The following SFMBT2 variants were observed in gnomAD, a reference collection of about 807,000 sequenced individuals.
The protein encoded by SFMBT2 is scm-like with four MBT domains protein 2.
A neutral mutation model predicts 110.1 loss-of-function variants in SFMBT2; 38 were observed. The ratio of observed to expected loss-of-function variants is 0.35; its 90% CI spans 0.27 to 0.45. SFMBT2 has a LOEUF of 0.45. SFMBT2 is among the 20% of genes least tolerant of loss of function. SFMBT2 has a pLI of 1.00. For synonymous variants in SFMBT2, 425 were observed against 425.4 expected (o/e 1.00, Z 0.01); for missense variants, 1,011 against 1,094.9 (o/e 0.92, Z 1.08).
intron 2 of SFMBT2, among the ~76,000 whole-genome samples, chr10:7,371,920 A>ATTTTTTTTTTTTTTTTTTTTTTTT (rs762872004): frequency 1.3e-5 from 1 of 77,734 alleles, no homozygotes; most frequent in Non-Finnish European, 2.3e-5. Context: ...TCCACCTGTA[A>ATTTTTTTTTTTTTTTTTTTTTTTT]TTTTTTTTTT....
intron 7 of SFMBT2, among the ~76,000 whole-genome samples, chr10:7,268,505 G>A (rs964314394): frequency 4.0e-5 from 6 of 151,736 alleles, no homozygotes; most frequent in East Asian, 1.9e-4. Flanking sequence ...TCAAAGAAAG[G>A]TTTTATCTAA....
chr10:7,217,478 G>A, intron 11 of SFMBT2, among the ~76,000 whole-genome samples: 1 of 151,174 alleles, frequency 6.6e-6, no homozygotes, highest in South Asian at 2.1e-4. Flanking sequence ...GTGCATGTAA[G>A]TGGCGCGCAT....
chr10:7,183,708 C>T (rs570077244), intron 16 of SFMBT2, among the ~76,000 whole-genome samples: 2 of 152,334 alleles, frequency 1.3e-5, no homozygotes, highest in South Asian at 4.1e-4. Flanking sequence ...GAGAGAAAGA[C>T]CACTCAGACC....
chr10:7,407,354 G>C (rs538468050), intron 1 of SFMBT2, among the ~76,000 whole-genome samples: 1 of 152,168 alleles, frequency 6.6e-6, no homozygotes, highest in African/African-American at 2.4e-5. Flanking sequence ...CACGCTAGTA[G>C]GTCTCCCAGT....
chr10:7,315,516 C>T (rs1207685696), intron 4 of SFMBT2, among the ~76,000 whole-genome samples: 2 of 152,194 alleles, frequency 1.3e-5, no homozygotes, highest in Non-Finnish European at 2.9e-5. Context: ...AGTTCTCAGG[C>T]CTCAGGCTAG....
chr10:7,241,009 C>T (rs528831598), intron 9 of SFMBT2, among the ~76,000 whole-genome samples: 8 of 152,136 alleles, frequency 5.3e-5, no homozygotes, highest in South Asian at 2.1e-4. Flanking sequence ...ACGGGAGGAA[C>T]CTGGTGGGAG....
intron 4 of SFMBT2, among the ~76,000 whole-genome samples, chr10:7,333,551 C>T (rs1009398744): frequency 6.6e-6 from 1 of 151,944 alleles, no homozygotes; most frequent in Non-Finnish European, 1.5e-5. Flanking sequence ...TGCCACCATG[C>T]CTAGCTAATT....
intron 9 of SFMBT2, among the ~76,000 whole-genome samples, chr10:7,228,748 CT>C (rs1840014888): frequency 3.4e-5 from 3 of 89,412 alleles, no homozygotes; most frequent in Admixed American, 1.1e-4. Flanking sequence ...TTCTCTCTCT[CT>C]CTCTCTCTCT....
chr10:7,368,234 G>T (rs1588486694), intron 3 of SFMBT2: 4 of 620,594 alleles, frequency 6.4e-6, no homozygotes, highest in African/African-American at 6.0e-5. Flanking sequence ...AAAACCTGGT[G>T]TGTATTCTAC....
intron 1 of SFMBT2, among the ~76,000 whole-genome samples, chr10:7,403,910 T>G (rs1406597735): frequency 2.0e-5 from 3 of 152,194 alleles, no homozygotes; most frequent in Non-Finnish European, 4.4e-5. Flanking sequence ...CAGCAGATAT[T>G]TAAATAAGCA....
chr10:7,169,818 A>G (rs1011672339), intron 20 of SFMBT2, among the ~76,000 whole-genome samples: 1 of 152,228 alleles, frequency 6.6e-6, no homozygotes, highest in Non-Finnish European at 1.5e-5. Context: ...CTTAGGACAC[A>G]GCATCATATG....
intron 8 of SFMBT2, chr10:7,244,183 C>A (rs977170816): frequency 2.4e-5 from 6 of 248,650 alleles, no homozygotes; most frequent in African/African-American, 4.6e-5. Context: ...CCTCAGAACA[C>A]CCCACCCTCC....
At chr10:7,262,153 T>C (rs1841225098) in intron 7 of SFMBT2, among the ~76,000 whole-genome samples, 2 of 139,658 alleles carry the variant, frequency 1.4e-5, no homozygotes, top group South Asian at 2.1e-4. Context: ...GGTTTCTCCC[T>C]GGAGCAAGTG....
chr10:7,312,214 C>T (rs935353286), intron 4 of SFMBT2, among the ~76,000 whole-genome samples: 7 of 151,884 alleles, frequency 4.6e-5, no homozygotes, highest in Non-Finnish European at 1.0e-4. Flanking sequence ...TACCCTAGAA[C>T]GTAAAGTATA....
intron 1 of SFMBT2, among the ~76,000 whole-genome samples, chr10:7,393,372 A>G (rs746160155): frequency 1.2e-4 from 19 of 152,040 alleles, no homozygotes; most frequent in Non-Finnish European, 2.5e-4. Context: ...GTTTCAGTTC[A>G]CCAAACTTTC....
In SFMBT2 at chr10:7,232,535, T is replaced by A. The variant is rs188576572; in HGVS notation, c.1121-4598A>T. Among the ~76,000 whole-genome samples the A allele has an allele frequency of 8.5e-5, 13 of 152,298 alleles. No homozygotes were observed. The East Asian group carries it at 2.1e-3, about 25-fold the overall frequency. On this transcript the variant is annotated intron_variant, in intron 9 of 20. Coordinates refer to ENST00000397167, the MANE Select transcript of SFMBT2 (RefSeq NM_001387889.1). Reference sequence around the variant, plus strand: ...ACAGGCATGAAACGGCACGTAGTTTTAAAAAATTCATAAAAAATAACTGCT... The same window carrying A: ...ACAGGCATGAAACGGCACGTAGTTTAAAAAAATTCATAAAAAATAACTGCT...
chr10:7,387,376 T>C (rs768937962), intron 1 of SFMBT2, among the ~76,000 whole-genome samples: 1 of 152,248 alleles, frequency 6.6e-6, no homozygotes, highest in East Asian at 1.9e-4. Context: ...AGACACCACG[T>C]TGGGCACTGG....
At chr10:7,179,864 G>A (rs1838193881) in intron 16 of SFMBT2, among the ~76,000 whole-genome samples, 1 of 152,202 alleles carries the variant, frequency 6.6e-6, no homozygotes, top group Admixed American at 6.5e-5. Context: ...TTTCACAATA[G>A]GGAAAAGCCC....
chr10:7,196,160 C>A (rs963417773), intron 15 of SFMBT2, among the ~76,000 whole-genome samples: 10 of 152,070 alleles, frequency 6.6e-5, no homozygotes, highest in African/African-American at 2.4e-4. Context: ...GTGCCCTATC[C>A]ATAGATTCAA....
Sources: allele counts gnomAD v4.1 joint callset (sites outside exome capture counted in the v4.1 genomes callset), GRCh38; gene constraint gnomAD v4.1.1; transcripts MANE v1.5; gene names NCBI Gene and HGNC (gene_info 2026-07-23, HGNC 2026-07-21).